The following NPR3 variants were observed in gnomAD, a reference collection of about 807,000 sequenced individuals.
NPR3 encodes the protein natriuretic peptide receptor 3, also known as atrial natriuretic peptide receptor 3.
A neutral mutation model predicts 54.5 loss-of-function variants in NPR3; 34 were observed. That is an observed-to-expected ratio of 0.62 (90% CI 0.47 to 0.83). The LOEUF is 0.83. Among genes scored for constraint, NPR3 ranks in the 40% least tolerant of loss-of-function variants. The pLI is 0.00. For missense variants in NPR3, 674 were observed against 720.8 expected, an observed-to-expected ratio of 0.94 and a Z score of 0.74; for synonymous variants, 289 against 297.1, an observed-to-expected ratio of 0.97 and a Z score of 0.28.
At chr5:32,768,940 G>A (rs1741612685) in intron 3 of NPR3, among the ~76,000 whole-genome samples, 1 of 152,210 alleles carries the variant, frequency 6.6e-6, no homozygotes, top group Non-Finnish European at 1.5e-5. Flanking sequence ...TCTCCCTGTG[G>A]TGCTTCCTGT....
At chr5:32,710,721 AG>A (rs1738164527), upstream of NPR3, 8 of 1,547,304 alleles carry the variant, frequency 5.2e-6, no homozygotes, top group Admixed American at 5.9e-5. Flanking sequence ...CCGAGGGACC[AG>A]GAAGGTCAGG....
chr5:32,702,424 A>C (rs1324225531), intron 1 of NPR3, among the ~76,000 whole-genome samples: 2 of 84,656 alleles, frequency 2.4e-5, no homozygotes, highest in Admixed American at 1.8e-4. Flanking sequence ...CCCACCCCAC[A>C]ACAGTCCCCA....
In NPR3 at chr5:32,791,529, G is replaced by T. The variant is rs1017324691; in HGVS notation, c.*5184G>T. 6.0e-6 allele frequency: 1 copy of T among 167,068 alleles called. No homozygotes were observed. Among genetic ancestry groups the T allele is most frequent in the Non-Finnish European group, 1.5e-5 (1 of 68,106 alleles). 10.3% of individuals were successfully genotyped at this position (167,068 alleles called of 1,614,324 possible). On this transcript the variant is annotated 3_prime_UTR_variant, in exon 8 of 8. Coordinates refer to ENST00000265074, the MANE Select transcript of NPR3 (RefSeq NM_001204375.2). The stretch of plus-strand genomic sequence containing the variant: ...TTTTGTGTAGAAAAGGAGAACTAAT[G>T]ACTGTGGATATAACCCATGTTTTGT...
intron 1 of NPR3, among the ~76,000 whole-genome samples, chr5:32,715,666 T>A (rs565513018): frequency 6.6e-6 from 1 of 152,348 alleles, no homozygotes; most frequent in East Asian, 1.9e-4. Context: ...GCCCTCAATA[T>A]TCCACACACT....
intron 2 of NPR3, among the ~76,000 whole-genome samples, chr5:32,736,373 A>T (rs1198506332): frequency 6.6e-6 from 1 of 151,948 alleles, no homozygotes; most frequent in Non-Finnish European, 1.5e-5. Context: ...GGTCCGTGAG[A>T]TAGTTGCAGT....
At chr5:32,754,516 A>G (rs908412257) in intron 3 of NPR3, among the ~76,000 whole-genome samples, 1 of 152,090 alleles carries the variant, frequency 6.6e-6, no homozygotes, top group African/African-American at 2.4e-5. Flanking sequence ...AGAGAGAGGA[A>G]CTAGAATAAT....
At chr5:32,780,210 G>C (rs60435563) in intron 4 of NPR3, among the ~76,000 whole-genome samples, 17,923 of 152,224 alleles carry the variant, frequency 0.12, 1,220 homozygotes, top group Middle Eastern at 0.17. Flanking sequence ...GTTCTTCTTA[G>C]CTATTGGCTC....
chr5:32,710,637 GGCCAGC>G (rs1309458609), upstream of NPR3: 51 of 1,469,344 alleles, frequency 3.5e-5, no homozygotes, highest in Non-Finnish European at 4.3e-5. Context: ...GTGACGCCCG[GGCCAGC>G]CGGGCACACC....
intron 2 of NPR3, among the ~76,000 whole-genome samples, chr5:32,726,302 C>T (rs780289149): frequency 4.6e-5 from 7 of 152,160 alleles, no homozygotes; most frequent in Non-Finnish European, 8.8e-5. Flanking sequence ...ATAAAACACG[C>T]TTATCATGGA....
chr5:32,753,543 G>T (rs1465539969), intron 3 of NPR3, among the ~76,000 whole-genome samples: 2 of 150,560 alleles, frequency 1.3e-5, no homozygotes, highest in Non-Finnish European at 2.9e-5. Flanking sequence ...AACTGTAGAG[G>T]ATAAAAGCTC....
At chr5:32,727,137 C>A (rs1267398148) in intron 2 of NPR3, among the ~76,000 whole-genome samples, 1 of 151,998 alleles carries the variant, frequency 6.6e-6, no homozygotes, top group African/African-American at 2.4e-5. Flanking sequence ...GTTTTGTTTT[C>A]TTTTTTTGAG....
chr5:32,779,250 A>G (rs1036360085), intron 4 of NPR3, among the ~76,000 whole-genome samples: 7 of 151,722 alleles, frequency 4.6e-5, no homozygotes, highest in African/African-American at 1.7e-4. Flanking sequence ...TCAGAGAACC[A>G]AATCAATAGA....
chr5:32,721,110 TCTGA>T (rs1738835990), intron 1 of NPR3, among the ~76,000 whole-genome samples: 1 of 152,224 alleles, frequency 6.6e-6, no homozygotes, highest in Non-Finnish European at 1.5e-5. Context: ...GATCATGCAC[TCTGA>T]CTACTTTGCA....
intron 1 of NPR3, among the ~76,000 whole-genome samples, chr5:32,717,525 T>C (rs986220409): frequency 6.6e-6 from 1 of 152,244 alleles, no homozygotes; most frequent in Non-Finnish European, 1.5e-5. Flanking sequence ...TGTTGTTTCC[T>C]GACTTTTTAA....
chr5:32,769,313 C>T (rs559023840), intron 3 of NPR3, among the ~76,000 whole-genome samples: 11 of 152,346 alleles, frequency 7.2e-5, no homozygotes, highest in Non-Finnish European at 1.2e-4. Flanking sequence ...CTTTAACCCT[C>T]GTGCTATGCA....
chr5:32,736,462 C>T (rs1739755552), intron 2 of NPR3, among the ~76,000 whole-genome samples: 1 of 152,098 alleles, frequency 6.6e-6, no homozygotes, highest in African/African-American at 2.4e-5. Flanking sequence ...CTGGAGAGAA[C>T]TTTTTTCCAG....
intron 2 of NPR3, among the ~76,000 whole-genome samples, chr5:32,738,415 T>A (rs1371837606): frequency 6.6e-6 from 1 of 152,146 alleles, no homozygotes; most frequent in Non-Finnish European, 1.5e-5. Context: ...TCCATTGTCA[T>A]GCGTCACTGT....
rs183149931 is a variant in NPR3 at position 32,733,159 on chromosome 5, T to C, written c.893-5705T>C. Among the ~76,000 whole-genome samples the C allele has an allele frequency of 2.0e-5, 3 of 152,258 alleles. No individual in the cohort carries two copies. The East Asian group carries it at 5.8e-4, about 29-fold the overall frequency. ...CGTGCCCGGCCAAGGCATCTAATTT[T>C]AGTCACTACTTACTTGATGTTGGAT... On this transcript the variant is annotated intron_variant, in intron 2 of 7. Coordinates refer to ENST00000265074, the MANE Select transcript of NPR3 (RefSeq NM_001204375.2).
chr5:32,699,829 G>A (rs1258948893), intron 1 of NPR3, among the ~76,000 whole-genome samples: 6 of 152,142 alleles, frequency 3.9e-5, no homozygotes, highest in Non-Finnish European at 8.8e-5. Flanking sequence ...GCTCATTAAT[G>A]TCCTTTTCTT....
Sources: allele counts gnomAD v4.1 joint callset (sites outside exome capture counted in the v4.1 genomes callset), GRCh38; gene constraint gnomAD v4.1.1; transcripts MANE v1.5; gene names NCBI Gene and HGNC (gene_info 2026-07-23, HGNC 2026-07-21).